The following TRNT1 variants were observed in gnomAD, a reference collection of about 807,000 sequenced individuals.
The protein encoded by TRNT1 is tRNA nucleotidyl transferase 1.
A neutral mutation model predicts 45.6 loss-of-function variants in TRNT1; 44 were observed. The observed-to-expected ratio is 0.97, with a 90% CI of 0.76 to 1.24. The LOEUF (loss-of-function observed/expected upper bound fraction) is 1.24, where lower values mean the gene tolerates loss of function less well. Among genes scored for constraint, TRNT1 ranks in the 50% most tolerant of loss-of-function variants. TRNT1 has a pLI of 0.00. For missense variants in TRNT1, 633 were observed against 504.4 expected (o/e 1.25, Z -2.44); for synonymous variants, 201 against 171.4 (o/e 1.17, Z -1.35).
At chr3:3,129,757 C>T (rs1030776062) in intron 2 of TRNT1, among the ~76,000 whole-genome samples, 25 of 152,260 alleles carry the variant, frequency 1.6e-4, no homozygotes, top group Admixed American at 1.0e-3. Flanking sequence ...TTAATGAGTA[C>T]GCACATTTTG....
At chr3:3,140,087 C>G (rs777762328) in intron 3 of TRNT1, among the ~76,000 whole-genome samples, 6 of 152,188 alleles carry the variant, frequency 3.9e-5, no homozygotes, top group Non-Finnish European at 8.8e-5. Flanking sequence ...GTTAACTGTA[C>G]TTATTCTTTA....
intron 3 of TRNT1, 131 bp from the exon 4 acceptor site, chr3:3,140,379 C>T (rs895093300): frequency 1.3e-5 from 10 of 743,580 alleles, no homozygotes; most frequent in South Asian, 4.8e-5. Context: ...TGGTAGTTGA[C>T]GTTAAAAAGA....
chr3:3,129,381 A>C (rs1406120787), intron 2 of TRNT1, 193 bp downstream of exon 2: 5 of 539,426 alleles, frequency 9.3e-6, no homozygotes, highest in Non-Finnish European at 1.3e-5. Flanking sequence ...TGGCCTCCCA[A>C]AATGCTGGGA....
intron 2 of TRNT1, among the ~76,000 whole-genome samples, chr3:3,132,743 A>AAAAAAAAAAAAAAAAAT (rs1705091555): frequency 7.8e-6 from 1 of 127,626 alleles, no homozygotes; most frequent in Non-Finnish European, 1.6e-5. Flanking sequence ...AAAAAAAAAA[A>AAAAAAAAAAAAAAAAAT]ACACAAAAAA....
Position 3,147,641 on chromosome 3 carries a change from G to C in TRNT1, c.994G>C (p.Asp332His), listed in dbSNP as rs1553555848. 3.5e-5 allele frequency: 57 copies of C among 1,613,622 alleles called. No individual in the cohort carries two copies. The South Asian group carries it at 5.9e-4, about 17-fold the overall frequency. Residue 332 changes from aspartate to histidine, a missense_variant, in exon 7 of 8, where the codon GAT becomes CAT. Coordinates refer to ENST00000251607, the MANE Select transcript of TRNT1 (RefSeq NM_182916.3). ...LGLFIVKNRKDLIKATDSSDP... is the reference protein window; with the variant it reads ...LGLFIVKNRKHLIKATDSSDP... ...CTTATTTATAGTTAAAAATAGGAAAGATTTAATTAAAGCAACAGATAGTTC... is the reference window on the plus strand; with the variant it reads ...CTTATTTATAGTTAAAAATAGGAAACATTTAATTAAAGCAACAGATAGTTC...
At chr3:3,129,963 G>T (rs1302344265) in intron 2 of TRNT1, 7 of 1,550,430 alleles carry the variant, frequency 4.5e-6, no homozygotes, top group Non-Finnish European at 6.1e-6. Flanking sequence ...GGAAATAGGA[G>T]TTGCCTCCAT....
In TRNT1 at chr3:3,148,194, C is replaced by T; in HGVS notation, c.*40C>T. 1 of 1,593,120 alleles carries T rather than the reference C, an allele frequency of 6.3e-7. No homozygotes were observed. The highest frequency in any genetic ancestry group is 8.5e-7 in the Non-Finnish European group (1 of 1,171,260). ...AAAAAGCAGAGCATTTCTGGTAAGA[C>T]TAAATTTTCTCCCCTCCCTCTTAAT... On this transcript the variant is annotated 3_prime_UTR_variant, in exon 8 of 8. Transcript: ENST00000251607.
intron 3 of TRNT1, among the ~76,000 whole-genome samples, chr3:3,138,844 C>T (rs993892069): frequency 7.9e-5 from 12 of 152,052 alleles, no homozygotes; most frequent in Admixed American, 2.6e-4. Flanking sequence ...TCTTTGTTTC[C>T]TCCGAGTGTT....
At chr3:3,144,531 T>A in intron 4 of TRNT1, 53 bp from the exon 5 acceptor site, 1 of 1,524,698 alleles carries the variant, frequency 6.6e-7, no homozygotes, top group Non-Finnish European at 8.9e-7. Context: ...TCTTGTGTTT[T>A]CAAATTCTTA....
At chr3:3,150,852 C>T (rs533365588), downstream of TRNT1, 86 of 1,585,356 alleles carry the variant, frequency 5.4e-5, no homozygotes, top group African/African-American at 2.3e-4. Flanking sequence ...AACTTTATCT[C>T]TATCACATCT....
At position 3,140,530 on chromosome 3, in the gene TRNT1, G is replaced by A; in HGVS notation, c.363G>A (p.Glu121=). The change falls in exon 4 of 8, where the codon GAG becomes GAA. Residue 121 remains glutamate, a synonymous_variant. Coordinates refer to ENST00000251607, the MANE Select transcript of TRNT1 (RefSeq NM_182916.3). The part of the protein sequence containing the change: ...ITARLHEENF[E]ITTLRIDVTT... ...TGCAGCTTCATGAAGAAAATTTTGA[G>A]ATTACTACACTACGGATTGATGTCA... 6.2e-7 allele frequency: 1 copy of A among 1,613,054 alleles called. No homozygotes were observed. Among genetic ancestry groups the A allele is most frequent in the South Asian group, 1.1e-5 (1 of 90,818 alleles).
chr3:3,142,594 G>T, intron 4 of TRNT1, among the ~76,000 whole-genome samples: 1 of 152,206 alleles, frequency 6.6e-6, no homozygotes, highest in African/African-American at 2.4e-5. Flanking sequence ...TAAGCTTTGT[G>T]TAGTTTTCTA....
chr3:3,149,747 A>C (rs1054916412), downstream of TRNT1: 3 of 152,164 alleles, frequency 2.0e-5, no homozygotes, highest in African/African-American at 7.2e-5. Context: ...TTACATAAAT[A>C]TGCAGTGTGA....
rs535313787 is a variant in TRNT1 at position 3,146,770 on chromosome 3, G to C, written c.802+147G>C. 4.1e-4 allele frequency: 313 copies of C among 771,586 alleles called. 1 individual carries two copies. In the African/African-American group the frequency reaches 5.0e-3, roughly 12 times the overall value. The allele number at this position is 771,586 out of a possible 1,614,324, so 47.8% of individuals were successfully genotyped here. A position where few individuals can be genotyped will look rare whatever the true frequency, so the allele number is the denominator to read the frequency against. ...AATAAGACAAAGTTTGGGTTATGGGGTAAGTTTTGTCGTGAGTAGGGAAGA... is the reference window on the plus strand; with the variant it reads ...AATAAGACAAAGTTTGGGTTATGGGCTAAGTTTTGTCGTGAGTAGGGAAGA... On this transcript the variant is annotated intron_variant, in intron 6 of 7. Transcript: ENST00000251607.
chr3:3,134,867 T>C (rs1171580884), intron 2 of TRNT1, among the ~76,000 whole-genome samples: 1 of 152,102 alleles, frequency 6.6e-6, no homozygotes, highest in Non-Finnish European at 1.5e-5. Context: ...AAAGATATGC[T>C]GTACTAGTCG....
intron 6 of TRNT1, 35 bp from the exon 7 acceptor site, chr3:3,147,415 C>G: frequency 1.2e-6 from 2 of 1,605,138 alleles, no homozygotes; most frequent in Non-Finnish European, 1.7e-6. Flanking sequence ...TTTATCCCCA[C>G]TAAAAACAGG....
intron 5 of TRNT1, among the ~76,000 whole-genome samples, chr3:3,145,923 G>A (rs190910571): frequency 1.4e-4 from 21 of 151,662 alleles, no homozygotes; most frequent in Non-Finnish European, 2.4e-4. Flanking sequence ...CTAAGATTCC[G>A]CGAAATATAC....
chr3:3,145,490 G>T lies in TRNT1; in HGVS notation c.608+780G>T, dbSNP rs368123308. ...CGCACTCCAGCCTGGGCGACAGAGC[G>T]AGACTCCATCTCAAAAAAAAAAAAA... is the stretch of plus-strand genomic sequence containing the variant. On this transcript the variant is annotated intron_variant, in intron 5 of 7. Transcript: ENST00000251607. The T allele has an allele frequency of 5.3e-5, 7 of 131,458 alleles. No homozygotes were observed. The East Asian group carries it at 1.1e-3, about 21-fold the overall frequency. 8.1% of individuals were successfully genotyped at this position (131,458 alleles called of 1,614,324 possible).
chr3:3,141,084 T>C (rs1034640998), intron 4 of TRNT1, among the ~76,000 whole-genome samples: 6 of 152,136 alleles, frequency 3.9e-5, no homozygotes, highest in Admixed American at 6.5e-5. Flanking sequence ...AAAAAAAGAA[T>C]AGACTCTGGA....
Sources: gnomAD v4.1 joint callset for allele counts (sites outside exome capture counted in the v4.1 genomes callset) on GRCh38, gnomAD v4.1.1 for gene constraint, MANE v1.5 for transcripts, NCBI Gene and HGNC (gene_info 2026-07-23, HGNC 2026-07-21) for gene names.